The following MAP3K4 variants were observed in gnomAD, a reference collection of about 807,000 sequenced individuals.
MAP3K4 encodes MAP three kinase 1.
In MAP3K4, 67 loss-of-function variants were observed where a neutral mutation model predicts 185.6. That is an observed-to-expected ratio of 0.36 (90% confidence interval 0.30 to 0.44). MAP3K4 has a LOEUF of 0.44. MAP3K4 is among the 20% of genes least tolerant of loss of function. MAP3K4 has a pLI of 1.00. For missense variants in MAP3K4, 1,551 were observed against 1,995.1 expected, an observed-to-expected ratio of 0.78 and a Z score of 4.24; for synonymous variants, 702 against 710.4, an observed-to-expected ratio of 0.99 and a Z score of 0.19.
rs1433092307 is a variant in MAP3K4, at chr6:161,077,995, G to T, written c.2098-2886G>T. Among the ~76,000 whole-genome samples, 2 of 152,222 alleles carry T rather than the reference G, an allele frequency of 1.3e-5. No homozygotes were observed. The highest frequency in any genetic ancestry group is 4.8e-5 in the African/African-American group (2 of 41,448). ...GATTAGGAGGAACAGTAGTTCCTCT[G>T]CTATAAAGAAGGGAGGAAGAGAGGA... On this transcript the variant is annotated intron_variant, in intron 5 of 26. Coordinates refer to ENST00000392142, the MANE Select transcript of MAP3K4 (RefSeq NM_005922.4). The surrounding 1 kb of genome is among the most constrained non-coding windows in gnomAD (Gnocchi z 4.3).
rs1785214435 is a variant in MAP3K4 at position 161,077,157 on chromosome 6, T to G, written c.2097+3545T>G. On this transcript the variant is annotated intron_variant, in intron 5 of 26. Transcript: ENST00000392142. This position sits in a 1 kb window ranked among gnomAD's most constrained non-coding sequence, Gnocchi z 4.3. ...AGATTGTTTTAAAAAGCGTATAGACTAGAAGGAAATGTGCTCAGTTCATGA... is the reference window on the plus strand; with the variant it reads ...AGATTGTTTTAAAAAGCGTATAGACGAGAAGGAAATGTGCTCAGTTCATGA... 6.6e-6 allele frequency among the ~76,000 whole-genome samples: 1 copy of G among 152,088 alleles called. No homozygotes were observed. The highest frequency in any genetic ancestry group is 1.5e-5 in the Non-Finnish European group (1 of 68,024).
chr6:161,004,439 T>C (rs1443982531), intron 1 of MAP3K4, among the ~76,000 whole-genome samples: 1 of 152,226 alleles, frequency 6.6e-6, no homozygotes, highest in African/African-American at 2.4e-5. Context: ...TTCTTCTGAC[T>C]TGACAACTCA....
Position 161,088,074 on chromosome 6 carries a change from C to A in MAP3K4, c.2823+120C>A. On this transcript the variant is annotated intron_variant, in intron 10 of 26. Coordinates refer to ENST00000392142, the MANE Select transcript of MAP3K4 (RefSeq NM_005922.4). This position sits in a 1 kb window ranked among gnomAD's most constrained non-coding sequence, Gnocchi z 4.5. ...CTAGTAATCACAAGTATATACTTCC[C>A]AAAAATATGCCTCAATGTGTTAATA... The A allele has an allele frequency of 3.2e-6, 3 of 951,898 alleles. No homozygotes were observed. The highest frequency in any genetic ancestry group is 4.6e-6 in the Non-Finnish European group (3 of 658,818). 59.0% of individuals were successfully genotyped at this position (951,898 alleles called of 1,614,324 possible).
At position 161,071,397 on chromosome 6, in the gene MAP3K4, G is replaced by T. The variant is rs572610150; in HGVS notation, c.1950+547G>T. On this transcript the variant is annotated intron_variant, in intron 4 of 26. Transcript: ENST00000392142. The surrounding 1 kb of genome is among the most constrained non-coding windows in gnomAD (Gnocchi z 4.6). ...TCCAGCAGAGTGAGTGCTGAAGAGG[G>T]TCTGTATTTATTATTTATGATATTA... Among the ~76,000 whole-genome samples, 1 of 152,216 alleles carries T rather than the reference G, an allele frequency of 6.6e-6. No homozygotes were observed. The highest frequency in any genetic ancestry group is 2.4e-5 in the African/African-American group (1 of 41,538).
At chr6:161,018,152 T>C (rs1258419604) in intron 1 of MAP3K4, among the ~76,000 whole-genome samples, 1 of 152,136 alleles carries the variant, frequency 6.6e-6, no homozygotes, top group African/African-American at 2.4e-5. Flanking sequence ...GTGAACTTGC[T>C]GAGTGGAGGA....
chr6:161,026,946 A>G (rs527698974), intron 1 of MAP3K4, among the ~76,000 whole-genome samples: 2 of 152,040 alleles, frequency 1.3e-5, no homozygotes, highest in South Asian at 4.2e-4. Flanking sequence ...CATGTGGGCT[A>G]ATTCGTCTCT....
At chr6:160,995,962 A>T (rs576335620) in intron 1 of MAP3K4, among the ~76,000 whole-genome samples, 11 of 152,324 alleles carry the variant, frequency 7.2e-5, no homozygotes, top group East Asian at 5.8e-4. Flanking sequence ...AACTTTTTTT[A>T]AAAAATGAAT....
intron 3 of MAP3K4, among the ~76,000 whole-genome samples, chr6:161,059,583 T>G (rs567069732): frequency 6.6e-6 from 1 of 152,358 alleles, no homozygotes; most frequent in South Asian, 2.1e-4. Context: ...TATTTATGAA[T>G]TTTATTCATT....
intron 1 of MAP3K4, among the ~76,000 whole-genome samples, chr6:161,011,513 A>G (rs1353937051): frequency 6.6e-6 from 1 of 152,198 alleles, no homozygotes; most frequent in Non-Finnish European, 1.5e-5. Context: ...TAAATAATTT[A>G]GAAACTGTTT....
At position 161,054,572 on chromosome 6, in the gene MAP3K4, T is replaced by C. The variant is rs1371721774; in HGVS notation, c.1707+4593T>C. On this transcript the variant is annotated intron_variant, in intron 3 of 26. Transcript: ENST00000392142. The surrounding 1 kb of genome is among the most constrained non-coding windows in gnomAD (Gnocchi z 4.2). Reference sequence around the variant, plus strand: ...GTTTTCATAATATGAATGCCATAAATGCCTTTAATGATTTGTTCAAAATTA... The same window carrying C: ...GTTTTCATAATATGAATGCCATAAACGCCTTTAATGATTTGTTCAAAATTA... Among the ~76,000 whole-genome samples, 1 of 152,246 alleles carries C rather than the reference T, an allele frequency of 6.6e-6. No individual in the cohort carries two copies.
Position 161,046,862 on chromosome 6 carries a change from T to C in MAP3K4, c.344-1754T>C, listed in dbSNP as rs140253018. Among the ~76,000 whole-genome samples, 1,423 of 149,620 alleles carry C rather than the reference T, an allele frequency of 9.5e-3. 5 individuals carry two copies. Among genetic ancestry groups the C allele is most frequent in the Middle Eastern group, 0.064 (18 of 282 alleles). On this transcript the variant is annotated intron_variant, in intron 2 of 26. Transcript: ENST00000392142. ...TATTACATTCACAACTAATCTCTTA[T>C]ATATTCCCAACTAATCACCTAAAAC... is the stretch of plus-strand genomic sequence containing the variant.
chr6:160,991,813 T>G lies in MAP3K4; in HGVS notation c.-119T>G. 8.7e-7 allele frequency: 1 copy of G among 1,149,544 alleles called. No individual in the cohort carries two copies. Among genetic ancestry groups the G allele is most frequent in the Non-Finnish European group, 1.1e-6 (1 of 878,922 alleles). The allele number at this position is 1,149,544 out of a possible 1,614,324, so 71.2% of individuals were successfully genotyped here. On this transcript the variant is annotated 5_prime_UTR_variant, in exon 1 of 27. Coordinates refer to ENST00000392142, the MANE Select transcript of MAP3K4 (RefSeq NM_005922.4). The surrounding 1 kb of genome is among the most constrained non-coding windows in gnomAD (Gnocchi z 5.7). ...CCAAGATGGCCGCGGCGCGCACGGC[T>G]CCTGCGGCGGGGTAGAGGCGGAGGC... is the stretch of plus-strand genomic sequence containing the variant.
At chr6:161,015,313 G>T (rs927508782) in intron 1 of MAP3K4, among the ~76,000 whole-genome samples, 3 of 151,718 alleles carry the variant, frequency 2.0e-5, no homozygotes, top group African/African-American at 4.8e-5. Flanking sequence ...TGTTGATGGT[G>T]GGGGGAGGGA....
chr6:161,044,794 G>T (rs1368273383), intron 2 of MAP3K4, among the ~76,000 whole-genome samples: 2 of 152,156 alleles, frequency 1.3e-5, no homozygotes, highest in Non-Finnish European at 2.9e-5. Context: ...TTTTACTCAT[G>T]GTGGAAGGTG....
rs968480444 is a variant in MAP3K4, at chr6:161,074,746, G to C, written c.2097+1134G>C. On this transcript the variant is annotated intron_variant, in intron 5 of 26. Coordinates refer to ENST00000392142, the MANE Select transcript of MAP3K4 (RefSeq NM_005922.4). The surrounding 1 kb of genome is among the most constrained non-coding windows in gnomAD (Gnocchi z 5.0). ...ATAAAACTGTATCGTTGTAGGTGGG[G>C]TGCATTCATTCTTGCTTAACATGTA... is the stretch of plus-strand genomic sequence containing the variant. Among the ~76,000 whole-genome samples, 1 of 152,216 alleles carries C rather than the reference G, an allele frequency of 6.6e-6. No individual in the cohort carries two copies. Among genetic ancestry groups the C allele is most frequent in the Admixed American group, 6.5e-5 (1 of 15,282 alleles).
chr6:161,013,437 G>A (rs1781939970), intron 1 of MAP3K4, among the ~76,000 whole-genome samples: 1 of 152,150 alleles, frequency 6.6e-6, no homozygotes, highest in South Asian at 2.1e-4. Context: ...CATTCTTATA[G>A]TTAAATCTTT....
rs118025878 is a variant in MAP3K4, at chr6:161,006,388, T to A, written c.152+14305T>A. On this transcript the variant is annotated intron_variant, in intron 1 of 26. Coordinates refer to ENST00000392142, the MANE Select transcript of MAP3K4 (RefSeq NM_005922.4). Reference sequence around the variant, plus strand: ...CTTCTGTGCTGAACACGTACAGACTTTTTTATTCTTGTTATTATTCCCTAA... The same window carrying A: ...CTTCTGTGCTGAACACGTACAGACTATTTTATTCTTGTTATTATTCCCTAA... Among the ~76,000 whole-genome samples the A allele has an allele frequency of 6.6e-3, 1,001 of 152,366 alleles. 5 individuals carry two copies. The highest frequency in any genetic ancestry group is 0.01 in the Non-Finnish European group (694 of 68,036).
chr6:161,101,755 A>T lies in MAP3K4; in HGVS notation c.3675-137A>T. 2 of 689,956 alleles carry T rather than the reference A, an allele frequency of 2.9e-6. No individual in the cohort carries two copies. The highest frequency in any genetic ancestry group is 5.0e-6 in the Non-Finnish European group (2 of 403,812). 42.7% of individuals were successfully genotyped at this position (689,956 alleles called of 1,614,324 possible). On this transcript the variant is annotated intron_variant, in intron 17 of 26. Coordinates refer to ENST00000392142, the MANE Select transcript of MAP3K4 (RefSeq NM_005922.4). The surrounding 1 kb of genome is among the most constrained non-coding windows in gnomAD (Gnocchi z 5.1). ...TAGCACCCTCCCAAAAGTGTCTAAT[A>T]CATTGCTGGAGGCAGAGTTGTTCCT...
Position 161,064,487 on chromosome 6 carries a change from GGT to G in MAP3K4, c.1708-6120_1708-6119del, listed in dbSNP as rs1348252879. Among the ~76,000 whole-genome samples the G allele has an allele frequency of 6.6e-6, 1 of 151,506 alleles. No individual in the cohort carries two copies. The highest frequency in any genetic ancestry group is 1.5e-5 in the Non-Finnish European group (1 of 67,912). On this transcript the variant is annotated intron_variant, in intron 3 of 26. Coordinates refer to ENST00000392142, the MANE Select transcript of MAP3K4 (RefSeq NM_005922.4). The surrounding 1 kb of genome is among the most constrained non-coding windows in gnomAD (Gnocchi z 4.3). ...TTTTACATTAAATTCTAGATAATTG[GGT>G]ATGTTTCTGTGTTCTGATCTGTTTA...
Sources: gnomAD v4.1 joint callset for allele counts (sites outside exome capture counted in the v4.1 genomes callset) on GRCh38, gnomAD v4.1.1 for gene constraint, Gnocchi (gnomAD v3.1) non-coding constraint, MANE v1.5 for transcripts, NCBI Gene and HGNC (gene_info 2026-07-23, HGNC 2026-07-21) for gene names.